The following EVL variants were observed in gnomAD, a reference collection of about 807,000 sequenced individuals.
EVL encodes the protein Enah/Vasp-like.
A neutral mutation model predicts 59.6 loss-of-function variants in EVL; 21 were observed. That is an observed-to-expected ratio of 0.35 (90% CI 0.25 to 0.51). EVL has a LOEUF of 0.51. Among genes scored for constraint, EVL ranks in the 20% least tolerant of loss-of-function variants. EVL has a pLI of 0.97. For missense variants in EVL, 462 were observed against 546.6 expected, an observed-to-expected ratio of 0.85 and a Z score of 1.54; for synonymous variants, 198 against 203.5, an observed-to-expected ratio of 0.97 and a Z score of 0.23.
At chr14:100,052,244 G>A (rs1381179355) in intron 1 of EVL, among the ~76,000 whole-genome samples, 1 of 152,086 alleles carries the variant, frequency 6.6e-6, no homozygotes, top group African/African-American at 2.4e-5. Context: ...AATCTGATTC[G>A]CCTGAATGTT....
intron 1 of EVL, among the ~76,000 whole-genome samples, chr14:100,016,749 AT>A (rs2061054486): frequency 6.6e-6 from 1 of 152,132 alleles, no homozygotes; most frequent in Admixed American, 6.5e-5. Context: ...GTGGTCGAGG[AT>A]TTCTAGCCTT....
intron 2 of EVL, among the ~76,000 whole-genome samples, chr14:100,087,080 A>G (rs1465672392): frequency 6.6e-6 from 1 of 152,214 alleles, no homozygotes; most frequent in Non-Finnish European, 1.5e-5. Flanking sequence ...GATATCTTAC[A>G]TGTTTAATGC....
intron 8 of EVL, among the ~76,000 whole-genome samples, chr14:100,133,232 A>AGGAGCCCT (rs1461025704): frequency 6.6e-6 from 1 of 152,198 alleles, no homozygotes; most frequent in East Asian, 1.9e-4. Flanking sequence ...GCTGTGGCAA[A>AGGAGCCCT]GGAGCCCTGG....
At chr14:100,097,267 A>G (rs988489745) in intron 2 of EVL, among the ~76,000 whole-genome samples, 1 of 152,196 alleles carries the variant, frequency 6.6e-6, no homozygotes, top group Non-Finnish European at 1.5e-5. Flanking sequence ...ACTACATAGC[A>G]TTATTAGTTA....
chr14:100,105,310 C>T (rs1269173345), intron 3 of EVL, among the ~76,000 whole-genome samples: 2 of 152,124 alleles, frequency 1.3e-5, no homozygotes, highest in Non-Finnish European at 2.9e-5. Context: ...TGAGCCTTTT[C>T]ACCTTTTGAA....
intron 8 of EVL, among the ~76,000 whole-genome samples, chr14:100,133,042 C>T (rs984530298): frequency 2.0e-5 from 3 of 152,248 alleles, no homozygotes; most frequent in African/African-American, 2.4e-5. Context: ...GCCGCTGCAC[C>T]GCAGGGCTAC....
chr14:99,989,988 C>T (rs896434636), intron 1 of EVL, among the ~76,000 whole-genome samples: 1 of 152,108 alleles, frequency 6.6e-6, no homozygotes, highest in African/African-American at 2.4e-5. Context: ...TACTGTTGAC[C>T]CAACTTCTGC....
chr14:100,042,053 A>G (rs948442015), intron 1 of EVL, among the ~76,000 whole-genome samples: 2 of 152,252 alleles, frequency 1.3e-5, no homozygotes, highest in Non-Finnish European at 2.9e-5. Flanking sequence ...AATGGATCAT[A>G]TTAATTTAAA....
At chr14:99,979,341 A>G (rs2060791530) in intron 1 of EVL, among the ~76,000 whole-genome samples, 4 of 152,102 alleles carry the variant, frequency 2.6e-5, no homozygotes, top group Admixed American at 2.6e-4. Flanking sequence ...TTCTGTGAAC[A>G]TTTTCCCTAT....
chr14:100,133,653 T>C (rs1203389566), intron 8 of EVL, among the ~76,000 whole-genome samples: 1 of 152,052 alleles, frequency 6.6e-6, no homozygotes, highest in Admixed American at 6.6e-5. Context: ...AAAAACAGCC[T>C]CCCGGCCGGC....
chr14:100,092,674 G>A (rs969565597), intron 2 of EVL, among the ~76,000 whole-genome samples: 1 of 152,204 alleles, frequency 6.6e-6, no homozygotes, highest in Non-Finnish European at 1.5e-5. Context: ...GGCAGAGGTT[G>A]CAGTGAGCTG....
chr14:100,026,224 GTC>G (rs1215610633), intron 1 of EVL, among the ~76,000 whole-genome samples: 1 of 136,248 alleles, frequency 7.3e-6, no homozygotes, highest in Non-Finnish European at 1.5e-5. Context: ...GCACTCCAGT[GTC>G]TCAGGAAAAA....
chr14:100,019,690 A>G (rs1189843155), intron 1 of EVL: 2 of 1,533,294 alleles, frequency 1.3e-6, no homozygotes, highest in South Asian at 1.2e-5. Flanking sequence ...GAATTCAGGT[A>G]TGTTCTGGGC....
intron 7 of EVL, among the ~76,000 whole-genome samples, chr14:100,132,034 G>A (rs1027658819): frequency 1.2e-4 from 19 of 152,032 alleles, no homozygotes; most frequent in African/African-American, 3.1e-4. Flanking sequence ...CCACAGAAGC[G>A]TATCTCTGGG....
chr14:100,007,983 C>T (rs72710098), intron 1 of EVL, among the ~76,000 whole-genome samples: 1,530 of 152,282 alleles, frequency 0.01, 9 homozygotes, highest in Non-Finnish European at 0.017. Flanking sequence ...GGCTTCTACC[C>T]ATTGGATGCT....
At chr14:100,068,754 G>A (rs1488261430) in intron 1 of EVL, among the ~76,000 whole-genome samples, 1 of 152,172 alleles carries the variant, frequency 6.6e-6, no homozygotes, top group African/African-American at 2.4e-5. Flanking sequence ...ACCACGCTGG[G>A]GCAGCTGGGG....
chr14:100,028,135 T>TTTTTTG (rs1555413990), intron 1 of EVL, among the ~76,000 whole-genome samples: 1,645 of 70,974 alleles, frequency 0.023, 62 homozygotes, highest in East Asian at 0.22. Flanking sequence ...TGTTTGTTTG[T>TTTTTTG]TTTTTTTTTT....
chr14:100,018,890 T>C (rs2061074931), intron 1 of EVL, among the ~76,000 whole-genome samples: 1 of 152,200 alleles, frequency 6.6e-6, no homozygotes, highest in African/African-American at 2.4e-5. Context: ...TCTCGTTTCC[T>C]CCTTCTTCTC....
At chr14:100,128,867 C>A in intron 6 of EVL, 119 bp downstream of exon 6, 3 of 835,932 alleles carry the variant, frequency 3.6e-6, no homozygotes, top group Middle Eastern at 2.3e-4. Flanking sequence ...CTGCCCAAAG[C>A]TAGCTGGCCC....
Sources: gnomAD v4.1 joint callset for allele counts (sites outside exome capture counted in the v4.1 genomes callset) on GRCh38, gnomAD v4.1.1 for gene constraint, MANE v1.5 for transcripts, NCBI Gene and HGNC (gene_info 2026-07-23, HGNC 2026-07-21) for gene names.